Variants in ZMYM4 observed in about 807,000 individuals in gnomAD.
ZMYM4 encodes the protein zinc finger MYM-type containing 4.
Under a neutral mutation model 183.2 loss-of-function variants are expected in ZMYM4, and 31 were observed. The observed-to-expected ratio is 0.17, with a 90% CI of 0.13 to 0.23. The LOEUF is 0.23. Among genes scored for constraint, ZMYM4 ranks in the 10% least tolerant of loss-of-function variants. ZMYM4 has a pLI of 1.00. For synonymous variants in ZMYM4, 592 were observed against 631.2 expected, an observed-to-expected ratio of 0.94 and a Z score of 0.93; for missense variants, 1,273 against 1,840.3, an observed-to-expected ratio of 0.69 and a Z score of 5.64.
intron 2 of ZMYM4, chr1:35,351,028 T>C (rs1643586647): frequency 1.1e-6 from 1 of 906,694 alleles, no homozygotes; most frequent in South Asian, 1.4e-5. Flanking sequence ...ACTGGCCTGC[T>C]GCTGGCCCGC....
At chr1:35,412,569 C>A (rs1639956925) in intron 26 of ZMYM4, among the ~76,000 whole-genome samples, 1 of 152,016 alleles carries the variant, frequency 6.6e-6, no homozygotes, top group Non-Finnish European at 1.5e-5. Flanking sequence ...CTCACTTCTG[C>A]ATAATGGAAT....
At chr1:35,272,752 A>C (rs952962703) in intron 1 of ZMYM4, among the ~76,000 whole-genome samples, 1 of 152,096 alleles carries the variant, frequency 6.6e-6, no homozygotes, top group African/African-American at 2.4e-5. Flanking sequence ...TCTGTCGCCC[A>C]TGCTGGAGTG....
chr1:35,288,226 A>G (rs1640599189), intron 1 of ZMYM4, among the ~76,000 whole-genome samples: 1 of 151,790 alleles, frequency 6.6e-6, no homozygotes, highest in Non-Finnish European at 1.5e-5. Flanking sequence ...TGCTTTTACA[A>G]CTCTTCTTTT....
At position 35,284,132 on chromosome 1, in the gene ZMYM4, G is replaced by T. The variant is rs372530856; in HGVS notation, c.39+15047G>T. On this transcript the variant is annotated intron_variant, in intron 1 of 29. Transcript: ENST00000314607. ...GCTGGGACTACAGGTGCCCGCCACC[G>T]CGCCCTGCTAATTTTTTGTATTTTT... Among the ~76,000 whole-genome samples, 522 of 151,650 alleles carry T rather than the reference G, an allele frequency of 3.4e-3. 2 individuals are homozygous for T. The highest frequency in any genetic ancestry group is 4.8e-3 in the Non-Finnish European group (327 of 67,938).
At chr1:35,355,248 T>C (rs964702880) in intron 2 of ZMYM4, among the ~76,000 whole-genome samples, 6 of 143,584 alleles carry the variant, frequency 4.2e-5, no homozygotes, top group East Asian at 4.4e-4. Context: ...AGGGTTTCAC[T>C]GTGTTAGCCA....
chr1:35,314,284 A>T (rs1641936685), intron 1 of ZMYM4, among the ~76,000 whole-genome samples: 1 of 151,856 alleles, frequency 6.6e-6, no homozygotes, highest in Admixed American at 6.6e-5. Flanking sequence ...AAAAAAAAAT[A>T]GTTTACTCTT....
At chr1:35,314,520 A>T (rs557483844) in intron 1 of ZMYM4, among the ~76,000 whole-genome samples, 2 of 151,044 alleles carry the variant, frequency 1.3e-5, no homozygotes, top group Non-Finnish European at 3.0e-5. Flanking sequence ...CCTGACCTCA[A>T]GTGATCCACC....
At chr1:35,414,890 TAAA>T (rs1241098497) in intron 27 of ZMYM4, among the ~76,000 whole-genome samples, 1 of 151,170 alleles carries the variant, frequency 6.6e-6, no homozygotes, top group African/African-American at 2.4e-5. Context: ...CTACAAAAAA[TAAA>T]AAAAATTAGC....
At chr1:35,357,157 T>G (rs1430349868) in intron 2 of ZMYM4, among the ~76,000 whole-genome samples, 1 of 152,180 alleles carries the variant, frequency 6.6e-6, no homozygotes, top group Non-Finnish European at 1.5e-5. Context: ...CCCAAAGTGC[T>G]AAGATTATAG....
In ZMYM4 at chr1:35,268,884, G is replaced by T. The variant is rs1361206731; in HGVS notation, c.-163G>T. 4 of 713,076 alleles carry T rather than the reference G, an allele frequency of 5.6e-6. No individual in the cohort carries two copies. The highest frequency in any genetic ancestry group is 7.8e-6 in the Non-Finnish European group (4 of 512,212). 44.2% of individuals were successfully genotyped at this position (713,076 alleles called of 1,614,324 possible). A position where few individuals can be genotyped will look rare whatever the true frequency, so the allele number is the denominator to read the frequency against. On this transcript the variant is annotated 5_prime_UTR_variant, in exon 1 of 30. Transcript: ENST00000314607. Reference sequence around the variant, plus strand: ...GTGGGATCTCAGAAGCTGCGGCCCGGCGCGCGGCATCCGCCCCCTCCCCAC... The same window carrying T: ...GTGGGATCTCAGAAGCTGCGGCCCGTCGCGCGGCATCCGCCCCCTCCCCAC...
At chr1:35,307,591 G>T (rs1265996834) in intron 1 of ZMYM4, among the ~76,000 whole-genome samples, 1 of 146,062 alleles carries the variant, frequency 6.8e-6, no homozygotes, top group African/African-American at 2.5e-5. Context: ...CTGGAGTGCA[G>T]TGGCACGATC....
intron 1 of ZMYM4, among the ~76,000 whole-genome samples, chr1:35,307,424 C>G (rs1421636089): frequency 1.3e-5 from 2 of 151,674 alleles, no homozygotes; most frequent in African/African-American, 4.8e-5. Context: ...ACAGAATTCC[C>G]TTAGAAGGTA....
chr1:35,367,856 A>G (rs958789017), intron 5 of ZMYM4, among the ~76,000 whole-genome samples: 1 of 152,012 alleles, frequency 6.6e-6, no homozygotes, highest in African/African-American at 2.4e-5. Flanking sequence ...GGCACCTGTA[A>G]TCTCAGCTAC....
At chr1:35,270,200 T>C (rs1313788749) in intron 1 of ZMYM4, among the ~76,000 whole-genome samples, 1 of 152,136 alleles carries the variant, frequency 6.6e-6, no homozygotes, top group Non-Finnish European at 1.5e-5. Context: ...GCTTAAGTAA[T>C]TTACTTAGAT....
intron 2 of ZMYM4, among the ~76,000 whole-genome samples, chr1:35,349,934 T>C (rs1643537338): frequency 7.0e-6 from 1 of 143,584 alleles, no homozygotes; most frequent in South Asian, 2.1e-4. Context: ...ATTTTTTAAT[T>C]TATATAATTT....
At chr1:35,360,652 C>T (rs914661635) in intron 3 of ZMYM4, among the ~76,000 whole-genome samples, 4 of 152,026 alleles carry the variant, frequency 2.6e-5, no homozygotes, top group African/African-American at 9.7e-5. Flanking sequence ...TGCCAATGTC[C>T]AGCTGAATAG....
chr1:35,378,921 C>A (rs1330003386), intron 7 of ZMYM4, among the ~76,000 whole-genome samples: 1 of 152,178 alleles, frequency 6.6e-6, no homozygotes, highest in African/African-American at 2.4e-5. Context: ...ACCGTATGAG[C>A]TAACCTCTGC....
chr1:35,269,016 G>A lies in ZMYM4; in HGVS notation c.-31G>A, dbSNP rs894349268. 11 of 1,523,858 alleles carry A rather than the reference G, an allele frequency of 7.2e-6. No homozygotes were observed. Among genetic ancestry groups the A allele is most frequent in the Non-Finnish European group, 4.4e-6 (5 of 1,135,824 alleles). The allele number at this position is 1,523,858 out of a possible 1,614,324, so 94.4% of individuals were successfully genotyped here. A position where few individuals can be genotyped will look rare whatever the true frequency, so the allele number is the denominator to read the frequency against. On this transcript the variant is annotated 5_prime_UTR_variant, in exon 1 of 30. Transcript: ENST00000314607. ...GAGAGGTACCGCCGCCACCGCGCGG[G>A]GAGCCGCAGCGGTTCCGAGCGGGGC... is the stretch of plus-strand genomic sequence containing the variant.
At chr1:35,272,820 C>A (rs890515220) in intron 1 of ZMYM4, among the ~76,000 whole-genome samples, 1 of 152,226 alleles carries the variant, frequency 6.6e-6, no homozygotes, top group South Asian at 2.1e-4. Context: ...GCCATTCCTT[C>A]GCCTCAGCCT....
Sources: allele counts gnomAD v4.1 joint callset (sites outside exome capture counted in the v4.1 genomes callset), GRCh38; gene constraint gnomAD v4.1.1; transcripts MANE v1.5; gene names NCBI Gene and HGNC (gene_info 2026-07-23, HGNC 2026-07-21).